Variants in SCLT1 observed in about 807,000 individuals in gnomAD.
The protein encoded by SCLT1 is sodium channel and clathrin linker 1.
Under a neutral mutation model 112.8 loss-of-function variants are expected in SCLT1, and 78 were observed. The observed-to-expected ratio is 0.69, with a 90% confidence interval of 0.58 to 0.83. The LOEUF is 0.83. SCLT1 is among the 40% of genes least tolerant of loss of function. SCLT1 has a pLI of 0.00. For missense variants in SCLT1, 747 were observed against 770.4 expected, an observed-to-expected ratio of 0.97 and a Z score of 0.36; for synonymous variants, 257 against 254.7, an observed-to-expected ratio of 1.01 and a Z score of -0.09.
chr4:128,942,548 C>A (rs542770919), intron 17 of SCLT1, among the ~76,000 whole-genome samples: 11 of 152,092 alleles, frequency 7.2e-5, no homozygotes, highest in Non-Finnish European at 1.5e-4. Flanking sequence ...GACATTTTTG[C>A]CTCTTGCCTT....
intron 9 of SCLT1, among the ~76,000 whole-genome samples, chr4:128,983,206 T>C (rs2126055341): frequency 6.6e-6 from 1 of 152,300 alleles, no homozygotes; most frequent in South Asian, 2.1e-4. Context: ...GTCTTTATAG[T>C]ACATCCTTTT....
At chr4:129,076,366 T>C (rs1457000352) in intron 2 of SCLT1, among the ~76,000 whole-genome samples, 12 of 152,160 alleles carry the variant, frequency 7.9e-5, no homozygotes, top group Non-Finnish European at 1.0e-4. Flanking sequence ...TGCTTTTATA[T>C]GTATTCCTCC....
intron 18 of SCLT1, among the ~76,000 whole-genome samples, chr4:128,905,463 G>C (rs1322771797): frequency 1.3e-5 from 2 of 152,050 alleles, no homozygotes; most frequent in South Asian, 2.1e-4. Context: ...AGTTATAAGT[G>C]GTCTTTAAAC....
intron 11 of SCLT1, among the ~76,000 whole-genome samples, chr4:128,962,983 T>C (rs1340403806): frequency 6.6e-6 from 1 of 152,196 alleles, no homozygotes; most frequent in Non-Finnish European, 1.5e-5. Flanking sequence ...GAATATTTGC[T>C]GAAGAAAGGC....
chr4:128,992,850 T>C (rs765001178), intron 8 of SCLT1, among the ~76,000 whole-genome samples: 1 of 152,026 alleles, frequency 6.6e-6, no homozygotes, highest in Non-Finnish European at 1.5e-5. Flanking sequence ...CAGTAAGATA[T>C]GAAGTAGTCT....
At chr4:128,977,525 A>C (rs186998332) in intron 9 of SCLT1, among the ~76,000 whole-genome samples, 13 of 152,316 alleles carry the variant, frequency 8.5e-5, no homozygotes, top group Non-Finnish European at 1.8e-4. Context: ...GAAAGTGACA[A>C]TGTTACAAAG....
intron 14 of SCLT1, among the ~76,000 whole-genome samples, chr4:128,950,348 A>ATGG (rs1415285818): frequency 6.6e-6 from 1 of 152,174 alleles, no homozygotes; most frequent in Non-Finnish European, 1.5e-5. Flanking sequence ...ACAAATGATG[A>ATGG]TGGCCTAAAG....
At chr4:129,080,953 C>T (rs1242430317) in intron 2 of SCLT1, among the ~76,000 whole-genome samples, 1 of 152,134 alleles carries the variant, frequency 6.6e-6, no homozygotes, top group South Asian at 2.1e-4. Flanking sequence ...TGGGCGGCCT[C>T]TGAGGAGAAA....
chr4:129,047,507 T>A (rs1305752399), intron 2 of SCLT1, among the ~76,000 whole-genome samples: 1 of 152,056 alleles, frequency 6.6e-6, no homozygotes, highest in Non-Finnish European at 1.5e-5. Context: ...TTGTCCCTTT[T>A]CATATAAATT....
downstream of SCLT1, among the ~76,000 whole-genome samples, chr4:128,879,201 C>T (rs936920782): frequency 6.6e-6 from 1 of 151,706 alleles, no homozygotes; most frequent in Non-Finnish European, 1.5e-5. Flanking sequence ...TTTTTTGAAA[C>T]CTATTTGGCA....
intron 18 of SCLT1, among the ~76,000 whole-genome samples, chr4:128,935,973 A>G (rs937657724): frequency 6.6e-6 from 1 of 152,144 alleles, no homozygotes; most frequent in African/African-American, 2.4e-5. Context: ...TGGGCAGCTC[A>G]TACTTAACAC....
At chr4:128,962,173 G>A (rs1739793714) in intron 11 of SCLT1, among the ~76,000 whole-genome samples, 2 of 152,154 alleles carry the variant, frequency 1.3e-5, no homozygotes, top group South Asian at 2.1e-4. Context: ...GCATTTAAAT[G>A]TAATTAAACA....
At chr4:129,074,758 A>G (rs889706501) in intron 2 of SCLT1, among the ~76,000 whole-genome samples, 1 of 152,156 alleles carries the variant, frequency 6.6e-6, no homozygotes, top group Non-Finnish European at 1.5e-5. Context: ...CTGGAGTGCA[A>G]TGGTGCAAGC....
chr4:129,081,518 A>C lies in SCLT1; in HGVS notation c.102+788T>G, dbSNP rs1302729397. Among the ~76,000 whole-genome samples, 5 of 152,206 alleles carry C rather than the reference A, an allele frequency of 3.3e-5. No individual in the cohort carries two copies. In the East Asian group the frequency reaches 9.6e-4, roughly 29 times the overall value. ...AATGTTCAATCATGGTGGAAGATGA[A>C]GGGGAAGCAGGAATGTCTTACATGG... On this transcript the variant is annotated intron_variant, in intron 2 of 20. Transcript: ENST00000281142.
At chr4:128,990,965 T>C (rs547254362) in intron 9 of SCLT1, among the ~76,000 whole-genome samples, 134 of 152,020 alleles carry the variant, frequency 8.8e-4, no homozygotes, top group African/African-American at 3.2e-3. Context: ...TCCATGTTCA[T>C]GAATCAGAAG....
chr4:129,090,946 T>G (rs1752775852), intron 1 of SCLT1, among the ~76,000 whole-genome samples: 2 of 152,044 alleles, frequency 1.3e-5, no homozygotes, highest in African/African-American at 2.4e-5. Flanking sequence ...GTACCAAACA[T>G]GAGTTGAGAA....
intron 5 of SCLT1, among the ~76,000 whole-genome samples, chr4:129,016,533 C>A (rs971317726): frequency 1.3e-5 from 2 of 152,160 alleles, no homozygotes; most frequent in Non-Finnish European, 2.9e-5. Flanking sequence ...CGTCAATCTT[C>A]CTGTTCCTAA....
intron 6 of SCLT1, among the ~76,000 whole-genome samples, chr4:129,000,134 G>A (rs913831431): frequency 6.6e-6 from 1 of 151,640 alleles, no homozygotes; most frequent in Non-Finnish European, 1.5e-5. Flanking sequence ...ACTGCCTCCT[G>A]GTAAAGTACA....
chr4:128,967,677 C>T (rs887932778), intron 10 of SCLT1, among the ~76,000 whole-genome samples: 23 of 152,042 alleles, frequency 1.5e-4, no homozygotes, highest in East Asian at 9.6e-4. Context: ...TGTTTATGTC[C>T]GCTGCCTACT....
Sources: allele counts gnomAD v4.1 joint callset (sites outside exome capture counted in the v4.1 genomes callset), GRCh38; gene constraint gnomAD v4.1.1; transcripts MANE v1.5; gene names NCBI Gene and HGNC (gene_info 2026-07-23, HGNC 2026-07-21).